Variants in POU6F1 observed in about 807,000 individuals in gnomAD.
POU6F1 encodes POU class 6 homeobox 1.
Under a neutral mutation model 28.9 loss-of-function variants are expected in POU6F1, and 9 were observed. That is an observed-to-expected ratio of 0.31 (90% CI 0.19 to 0.54). POU6F1 has a LOEUF of 0.54. POU6F1 is among the 20% of genes least tolerant of loss of function. The probability of loss-of-function intolerance (pLI) is 0.94; values close to 1 mark genes in which losing one functional copy is unlikely to be tolerated. For synonymous variants in POU6F1, 173 were observed against 171.1 expected (o/e 1.01, Z -0.09); for missense variants, 338 against 426.1 (o/e 0.79, Z 1.82).
In POU6F1 at chr12:51,190,535, T is replaced by C. The variant is rs1027316182; in HGVS notation, c.1548A>G (p.Glu516=). 6.2e-7 allele frequency: 1 copy of C among 1,614,176 alleles called. No homozygotes were observed. The highest frequency in any genetic ancestry group is 1.1e-5 in the South Asian group (1 of 91,088). ...GCAGTTCAGCTTCGTTTAGCCACTT[T>C]TCCAGCACCGGCTTTAGCTTCTGGG... ...KSAQKLKPVL[E]KWLNEAELRN... Residue 516 remains glutamate, a synonymous_variant, in exon 11 of 11, where the codon GAA becomes GAG. Coordinates refer to ENST00000333640, the MANE Select transcript of POU6F1 (RefSeq NM_001330422.2). This position sits in a 1 kb window ranked among gnomAD's most constrained non-coding sequence, Gnocchi z 4.5.
intron 8 of POU6F1, 82 bp from the exon 9 acceptor site, chr12:51,192,553 G>A (rs1464829395): frequency 5.2e-6 from 8 of 1,534,124 alleles, no homozygotes; most frequent in Admixed American, 1.9e-5. Flanking sequence ...CAGAGGCAGG[G>A]CAAAAACAGA....
intron 1 of POU6F1, among the ~76,000 whole-genome samples, chr12:51,214,580 T>C (rs1412134876): frequency 6.6e-6 from 1 of 152,118 alleles, no homozygotes; most frequent in African/African-American, 2.4e-5. Flanking sequence ...AAGCTGTTGG[T>C]AGGCTAACAG....
rs115968579 is a variant in POU6F1 at position 51,217,057 on chromosome 12, T to C, written c.-48+585A>G. Among the ~76,000 whole-genome samples the C allele has an allele frequency of 4.5e-3, 681 of 152,286 alleles. 6 individuals are homozygous for C. The highest frequency in any genetic ancestry group is 0.015 in the African/African-American group (644 of 41,552). ...GAAGTGCTCATGCTCTGCTAGAAGG[T>C]GGCCCTCCCATCACTGACCCACCCT... On this transcript the variant is annotated intron_variant, in intron 1 of 10. Transcript: ENST00000333640. This position sits in a 1 kb window ranked among gnomAD's most constrained non-coding sequence, Gnocchi z 5.3.
chr12:51,190,180 C>G lies in POU6F1; in HGVS notation c.*67G>C. The G allele has an allele frequency of 6.4e-7, 1 of 1,559,438 alleles. No homozygotes were observed. Among genetic ancestry groups the G allele is most frequent in the Non-Finnish European group, 8.7e-7 (1 of 1,154,392 alleles). On this transcript the variant is annotated 3_prime_UTR_variant, in exon 11 of 11. Coordinates refer to ENST00000333640, the MANE Select transcript of POU6F1 (RefSeq NM_001330422.2). This position sits in a 1 kb window ranked among gnomAD's most constrained non-coding sequence, Gnocchi z 4.5. Reference sequence around the variant, plus strand: ...GGCAAAATGACAGGTGCTGTCATGGCAGTGGCTGCAGCCGGATGCCACGGG... The same window carrying G: ...GGCAAAATGACAGGTGCTGTCATGGGAGTGGCTGCAGCCGGATGCCACGGG...
At chr12:51,194,180 CCA>C (rs1193946582) in intron 8 of POU6F1, among the ~76,000 whole-genome samples, 5 of 152,144 alleles carry the variant, frequency 3.3e-5, no homozygotes, top group African/African-American at 4.8e-5. Flanking sequence ...GTGCCCGCCA[CCA>C]CACCTGGCTA....
chr12:51,203,102 G>C (rs1479168138), intron 3 of POU6F1, among the ~76,000 whole-genome samples: 3 of 152,048 alleles, frequency 2.0e-5, no homozygotes, highest in Non-Finnish European at 4.4e-5. Context: ...TTTGTGAAAG[G>C]CTTAGACACA....
In POU6F1 at chr12:51,192,398, T is replaced by G; in HGVS notation, c.1253A>C (p.Lys418Thr). Reference sequence around the variant, plus strand: ...TGGGATAGGAGCAGAGGCAGATGGCTTGGCGGCTGGAGCTGGGCTGGCAAT... The same window carrying G: ...TGGGATAGGAGCAGAGGCAGATGGCGTGGCGGCTGGAGCTGGGCTGGCAAT... ...VVIASPAPAAKPSASAPIPIT... is the reference protein window; with the variant it reads ...VVIASPAPAATPSASAPIPIT... Residue 418 changes from lysine to threonine, a missense_variant, in exon 9 of 11, where the codon AAG (lysine) becomes ACG (threonine). This residue lies in a region of POU6F1 where 206 missense variants were observed against 225.6 expected (regional missense o/e 0.91). Transcript: ENST00000333640. The G allele has an allele frequency of 6.2e-7, 1 of 1,614,160 alleles. No homozygotes were observed. Among genetic ancestry groups the G allele is most frequent in the Non-Finnish European group, 8.5e-7 (1 of 1,180,032 alleles).
chr12:51,203,986 A>C (rs547981992), intron 3 of POU6F1, among the ~76,000 whole-genome samples, 187 bp downstream of exon 3: 1 of 152,284 alleles, frequency 6.6e-6, no homozygotes, highest in East Asian at 1.9e-4. Context: ...ACTAGAACTA[A>C]AGCTCCAGAA....
At chr12:51,198,220 G>C (rs1039800389) in intron 5 of POU6F1, 197 bp from the exon 6 acceptor site, 4 of 397,360 alleles carry the variant, frequency 1.0e-5, no homozygotes, top group Non-Finnish European at 1.8e-5. Context: ...GGGGCCAGGA[G>C]ATGTGTAGGT....
At position 51,190,471 on chromosome 12, in the gene POU6F1, C is replaced by T; in HGVS notation, c.1612G>A (p.Gly538Arg). The T allele has an allele frequency of 1.2e-6, 2 of 1,614,128 alleles. No individual in the cohort carries two copies. Among genetic ancestry groups the T allele is most frequent in the Non-Finnish European group, 8.5e-7 (1 of 1,180,024 alleles). Reference protein sequence around the residue: ...EGQQNLMEFVGGEPSKKRKRR... With the variant: ...EGQQNLMEFVRGEPSKKRKRR... ...TTGCGTTTCTTGGAGGGCTCGCCTC[C>T]CACAAACTCCATCAGGTTCTGCTGG... The change falls in exon 11 of 11, where the codon GGA becomes AGA. Residue 538 changes from glycine to arginine, a missense_variant. Physicochemically the swap from Gly to Arg is moderately radical, Grantham distance 125. Coordinates refer to ENST00000333640, the MANE Select transcript of POU6F1 (RefSeq NM_001330422.2). The surrounding 1 kb of genome is among the most constrained non-coding windows in gnomAD (Gnocchi z 4.5).
chr12:51,198,522 G>A (rs2137137589), intron 5 of POU6F1, 28 bp downstream of exon 5: 2 of 399,390 alleles, frequency 5.0e-6, no homozygotes, highest in Non-Finnish European at 8.8e-6. Context: ...GGGGGGCCTG[G>A]TGCAGTCCTG....
At chr12:51,213,527 T>C (rs1170465951) in intron 1 of POU6F1, among the ~76,000 whole-genome samples, 2 of 151,954 alleles carry the variant, frequency 1.3e-5, no homozygotes, top group Non-Finnish European at 2.9e-5. Context: ...TTCTATGGTT[T>C]ATTTTATTTT....
At position 51,190,171 on chromosome 12, in the gene POU6F1, C is replaced by A; in HGVS notation, c.*76G>T. ...GCTGCACGTGGCAAAATGACAGGTG[C>A]TGTCATGGCAGTGGCTGCAGCCGGA... On this transcript the variant is annotated 3_prime_UTR_variant, in exon 11 of 11. Coordinates refer to ENST00000333640, the MANE Select transcript of POU6F1 (RefSeq NM_001330422.2). The surrounding 1 kb of genome is among the most constrained non-coding windows in gnomAD (Gnocchi z 4.5). The A allele has an allele frequency of 6.5e-7, 1 of 1,544,606 alleles. No individual in the cohort carries two copies. The highest frequency in any genetic ancestry group is 8.7e-7 in the Non-Finnish European group (1 of 1,147,388).
intron 3 of POU6F1, among the ~76,000 whole-genome samples, chr12:51,200,952 C>T (rs971619204): frequency 2.0e-5 from 3 of 152,164 alleles, no homozygotes; most frequent in East Asian, 1.9e-4. Context: ...CTCAGCCTCC[C>T]GAAGTGCTGG....
intron 1 of POU6F1, among the ~76,000 whole-genome samples, chr12:51,212,314 G>A (rs1420311870): frequency 2.0e-5 from 3 of 151,562 alleles, no homozygotes; most frequent in Non-Finnish European, 2.9e-5. Flanking sequence ...GGCTGGTCTC[G>A]AACTCCTGAC....
intron 1 of POU6F1, chr12:51,207,152 T>G: frequency 3.3e-5 from 6 of 183,510 alleles, no homozygotes; most frequent in Middle Eastern, 2.1e-3. Flanking sequence ...GCCACTCGAG[T>G]AGCTGGGATT....
rs563736843 is a variant in POU6F1, at chr12:51,199,791, C to G, written c.322G>C (p.Ala108Pro). 6.3e-5 allele frequency: 25 copies of G among 399,288 alleles called. No individual in the cohort carries two copies. The highest frequency in any genetic ancestry group is 6.3e-4 in the Middle Eastern group (1 of 1,588). 24.7% of individuals were successfully genotyped at this position (399,288 alleles called of 1,614,324 possible). A position where few individuals can be genotyped will look rare whatever the true frequency, so the allele number is the denominator to read the frequency against. The change falls in exon 4 of 11, where the codon GCA (alanine) becomes CCA (proline). Residue 108 changes from alanine (A) to proline (P), a missense_variant. Physicochemically the swap from Ala to Pro is conservative, Grantham distance 27 (BLOSUM62 -1). Around this residue, in one of 3 missense-constraint regions of POU6F1, gnomAD observed 206 missense variants for 225.6 expected, o/e 0.91. Coordinates refer to ENST00000333640, the MANE Select transcript of POU6F1 (RefSeq NM_001330422.2). This position sits in a 1 kb window ranked among gnomAD's most constrained non-coding sequence, Gnocchi z 4.1. ...GCCAGTGGCGTCAGGGTCTGCGATG[C>G]CTGAGGCTGGCTTGGGGCTTGGCTG... ...TFSQAPSQPQASQTLTPLAVQ... is the reference protein window; with the variant it reads ...TFSQAPSQPQPSQTLTPLAVQ...
At position 51,188,437 on chromosome 12, in the gene POU6F1, C is replaced by T. The variant is rs1393450340; in HGVS notation, c.*1810G>A. The T allele has an allele frequency of 6.6e-6, 1 of 152,442 alleles. No individual in the cohort carries two copies. The highest frequency in any genetic ancestry group is 1.5e-5 in the Non-Finnish European group (1 of 68,068). The allele number at this position is 152,442 out of a possible 1,614,324, so 9.4% of individuals were successfully genotyped here. On this transcript the variant is annotated 3_prime_UTR_variant, in exon 11 of 11. Transcript: ENST00000333640. ...GGCAAGCTGCCCACCTGCTTCCTCA[C>T]CTCTGCTACACTCTGGCAGGCATGG...
intron 8 of POU6F1, among the ~76,000 whole-genome samples, chr12:51,194,880 A>T (rs2137113505): frequency 6.6e-6 from 1 of 152,310 alleles, no homozygotes; most frequent in South Asian, 2.1e-4. Flanking sequence ...GAGGTTATTT[A>T]CAAAACTTGG....
Sources: allele counts gnomAD v4.1 joint callset (sites outside exome capture counted in the v4.1 genomes callset), GRCh38; gene constraint gnomAD v4.1.1; regional missense constraint gnomAD v4.1.1; non-coding constraint Gnocchi (gnomAD v3.1); transcripts MANE v1.5; gene names NCBI Gene and HGNC (gene_info 2026-07-23, HGNC 2026-07-21).